Variants in PLOD2 observed in about 807,000 individuals in gnomAD.
PLOD2 encodes the protein lysine hydroxylase 2.
In PLOD2, 65 loss-of-function variants were observed where a neutral mutation model predicts 101.0. The observed-to-expected ratio is 0.64, with a 90% CI of 0.53 to 0.79. The LOEUF is 0.79. Ranked by LOEUF, PLOD2 falls within the 30% of genes least tolerant of loss-of-function variation. The probability of loss-of-function intolerance (pLI) is 0.00; values close to 1 mark genes in which losing one functional copy is unlikely to be tolerated. For synonymous variants in PLOD2, 314 were observed against 302.9 expected (o/e 1.04, Z -0.38); for missense variants, 909 against 914.6 (o/e 0.99, Z 0.08).
chr3:146,112,865 C>A (rs78049086), intron 3 of PLOD2, among the ~76,000 whole-genome samples: 5,841 of 43,764 alleles, frequency 0.13, 337 homozygotes, highest in African/African-American at 0.2. Flanking sequence ...AAAAAAAAAA[C>A]AAAACTCTAG....
chr3:146,086,912 TA>T lies in PLOD2; in HGVS notation c.1006-5del. 1 of 1,476,318 alleles carries T rather than the reference TA, an allele frequency of 6.8e-7. No homozygotes were observed. Among genetic ancestry groups the T allele is most frequent in the Non-Finnish European group, 9.4e-7 (1 of 1,069,476 alleles). The allele number at this position is 1,476,318 out of a possible 1,614,324, so 91.5% of individuals were successfully genotyped here. A position where few individuals can be genotyped will look rare whatever the true frequency, so the allele number is the denominator to read the frequency against. Reference sequence around the variant, plus strand: ...TGTCCTTTTCATGATAAACTTCCTGTAACATATTTTAAAAATCAAAAATTAG... The same window carrying T: ...TGTCCTTTTCATGATAAACTTCCTGTACATATTTTAAAAATCAAAAATTAG... On this transcript the variant is annotated splice_polypyrimidine_tract_variant and splice_region_variant and intron_variant, in intron 9 of 19. Coordinates refer to ENST00000282903, the MANE Select transcript of PLOD2 (RefSeq NM_182943.3).
rs1559841441 is a variant in PLOD2, at chr3:146,088,658, T to C, written c.933A>G (p.Leu311=). The C allele has an allele frequency of 6.2e-7, 1 of 1,604,190 alleles. No individual in the cohort carries two copies. Among genetic ancestry groups the C allele is most frequent in the Non-Finnish European group, 8.5e-7 (1 of 1,171,528 alleles). The part of the protein sequence containing the change: ...GVFIEQPTPF[L]PRFLDILLTL... ...TCAACAATATGTCCAGAAACCGAGG[T>C]AGAAAAGGGGTTGGTTGCTCAATAA... Residue 311 remains leucine (L), a synonymous_variant, in exon 9 of 20, where the codon CTA becomes CTG. Transcript: ENST00000282903.
At chr3:146,138,452 A>G (rs2031357017) in intron 1 of PLOD2, among the ~76,000 whole-genome samples, 1 of 152,170 alleles carries the variant, frequency 6.6e-6, no homozygotes, top group African/African-American at 2.4e-5. Context: ...GGATGACATA[A>G]CCAAGTTTCA....
chr3:146,087,867 T>G (rs573081159), intron 9 of PLOD2, among the ~76,000 whole-genome samples: 1 of 151,990 alleles, frequency 6.6e-6, no homozygotes, highest in East Asian at 1.9e-4. Flanking sequence ...TTTCTGCAGT[T>G]AAAATATTCT....
intron 1 of PLOD2, among the ~76,000 whole-genome samples, chr3:146,139,640 C>A (rs2031424341): frequency 6.6e-6 from 1 of 152,080 alleles, no homozygotes; most frequent in Non-Finnish European, 1.5e-5. Context: ...CTGAGATTTC[C>A]ACTGGACTTA....
At chr3:146,151,266 G>C (rs1231457564) in intron 1 of PLOD2, among the ~76,000 whole-genome samples, 1 of 152,176 alleles carries the variant, frequency 6.6e-6, no homozygotes, top group East Asian at 1.9e-4. Flanking sequence ...AAGAGGCTGA[G>C]GTGGGCGGAT....
chr3:146,129,350 G>A (rs918783463), intron 1 of PLOD2, among the ~76,000 whole-genome samples: 3 of 152,056 alleles, frequency 2.0e-5, no homozygotes, highest in African/African-American at 7.2e-5. Flanking sequence ...GTAGTTGTCT[G>A]GCTGGCTGTG....
intron 3 of PLOD2, among the ~76,000 whole-genome samples, chr3:146,113,277 C>T (rs141067596): frequency 1.6e-4 from 24 of 152,260 alleles, no homozygotes; most frequent in African/African-American, 5.5e-4. Flanking sequence ...CTATCTCATT[C>T]GAGTAGCACT....
chr3:146,147,343 T>C (rs2031826784), intron 1 of PLOD2, among the ~76,000 whole-genome samples: 1 of 152,172 alleles, frequency 6.6e-6, no homozygotes, highest in South Asian at 2.1e-4. Flanking sequence ...AAGCATGATC[T>C]CTTGACTGGA....
chr3:146,072,966 G>A (rs899062619), intron 16 of PLOD2, among the ~76,000 whole-genome samples: 5 of 151,676 alleles, frequency 3.3e-5, no homozygotes, highest in Non-Finnish European at 7.4e-5. Context: ...AGACAGCCCA[G>A]TTTCTTCCAA....
At chr3:146,076,678 T>G in intron 15 of PLOD2, 104 bp downstream of exon 15, 1 of 668,884 alleles carries the variant, frequency 1.5e-6, no homozygotes, top group Admixed American at 2.4e-5. Context: ...TTTCACCTTA[T>G]GTCATTTTAA....
chr3:146,073,121 A>G (rs1422582249), intron 16 of PLOD2, among the ~76,000 whole-genome samples, 166 bp downstream of exon 16: 1 of 151,684 alleles, frequency 6.6e-6, no homozygotes, highest in Non-Finnish European at 1.5e-5. Flanking sequence ...TCTACATTTT[A>G]CAACTGTATG....
chr3:146,099,042 T>A (rs193122827), intron 7 of PLOD2, among the ~76,000 whole-genome samples: 41 of 152,280 alleles, frequency 2.7e-4, no homozygotes, highest in Non-Finnish European at 2.5e-4. Flanking sequence ...ATACCAAATA[T>A]AATATCTATA....
chr3:146,080,424 A>C (rs2108008558), intron 12 of PLOD2, among the ~76,000 whole-genome samples: 1 of 151,974 alleles, frequency 6.6e-6, no homozygotes, highest in East Asian at 1.9e-4. Context: ...GGAAAGCAAA[A>C]CCATAGATAA....
At position 146,075,461 on chromosome 3, in the gene PLOD2, G is replaced by A. The variant is rs549528871; in HGVS notation, c.1677+1321C>T. On this transcript the variant is annotated intron_variant, in intron 15 of 19. Coordinates refer to ENST00000282903, the MANE Select transcript of PLOD2 (RefSeq NM_182943.3). ...GATGTCCCTGTAAAACACAAAAGGA[G>A]CTAATTACTGTACCACTCAAATCTG... 1.2e-3 allele frequency among the ~76,000 whole-genome samples: 123 copies of A among 102,304 alleles called. 1 individual carries two copies. The highest frequency in any genetic ancestry group is 4.6e-3 in the African/African-American group (122 of 26,678). 67.1% of individuals were successfully genotyped at this position (102,304 alleles called of 152,430 possible).
chr3:146,143,204 CAAAG>C (rs764202476), intron 1 of PLOD2, among the ~76,000 whole-genome samples: 10 of 151,456 alleles, frequency 6.6e-5, no homozygotes, highest in Non-Finnish European at 1.3e-4. Context: ...ATTACAGACA[CAAAG>C]AAGACTATAA....
At chr3:146,104,135 G>A (rs1215030688) in intron 6 of PLOD2, 144 bp downstream of exon 6, 2 of 679,550 alleles carry the variant, frequency 2.9e-6, no homozygotes, top group African/African-American at 3.6e-5. Flanking sequence ...TTCAAGTCTA[G>A]TATTTTTGTT....
At chr3:146,085,555 CAAAAT>C in intron 10 of PLOD2, 1 of 485,088 alleles carries the variant, frequency 2.1e-6, no homozygotes, top group East Asian at 3.3e-5. Flanking sequence ...ATCCACAAAT[CAAAAT>C]GTTTCTGCAT....
intron 1 of PLOD2, among the ~76,000 whole-genome samples, chr3:146,145,962 T>C (rs2031753839): frequency 6.6e-6 from 1 of 152,180 alleles, no homozygotes; most frequent in Non-Finnish European, 1.5e-5. Flanking sequence ...CCATGCCGTC[T>C]CTTCCATAAA....
Sources: allele counts gnomAD v4.1 joint callset (sites outside exome capture counted in the v4.1 genomes callset), GRCh38; gene constraint gnomAD v4.1.1; transcripts MANE v1.5; gene names NCBI Gene and HGNC (gene_info 2026-07-23, HGNC 2026-07-21).